TSEN15: variants seen among roughly 807,000 people sequenced by gnomAD.
The protein encoded by TSEN15 is tRNA-splicing endonuclease subunit Sen15.
Under a neutral mutation model 20.5 loss-of-function variants are expected in TSEN15, and 10 were observed. The ratio of observed to expected loss-of-function variants is 0.49; its 90% CI spans 0.30 to 0.83. The LOEUF (loss-of-function observed/expected upper bound fraction) is 0.83. TSEN15 is among the 40% of genes least tolerant of loss of function. The pLI is 0.06. For missense variants in TSEN15, 180 were observed against 218.6 expected (o/e 0.82, Z 1.11); for synonymous variants, 72 against 80.1 (o/e 0.90, Z 0.54).
intron 3 of TSEN15, among the ~76,000 whole-genome samples, chr1:184,055,803 A>G (rs1432595255): frequency 1.3e-5 from 2 of 152,090 alleles, no homozygotes; most frequent in Admixed American, 6.5e-5. Context: ...GTTATTTTTA[A>G]TAATGTAATA....
At chr1:184,084,361 G>A (rs143869689) in intron 3 of TSEN15, among the ~76,000 whole-genome samples, 243 of 151,800 alleles carry the variant, frequency 1.6e-3, no homozygotes, top group African/African-American at 5.6e-3. Context: ...AGTCCATTTT[G>A]TTGTTTGATA....
downstream of TSEN15, among the ~76,000 whole-genome samples, chr1:184,077,471 A>G (rs1300738648): frequency 6.6e-6 from 1 of 152,166 alleles, no homozygotes; most frequent in Non-Finnish European, 1.5e-5. Context: ...ATGCTTGTGA[A>G]CACATTATCC....
chr1:184,079,196 G>C (rs1193939424), downstream of TSEN15, among the ~76,000 whole-genome samples: 1 of 152,142 alleles, frequency 6.6e-6, no homozygotes. Flanking sequence ...CAAATGTCTA[G>C]TAGGTGGGTG....
intron 3 of TSEN15, among the ~76,000 whole-genome samples, chr1:184,083,135 T>C (rs1423570555): frequency 6.6e-6 from 1 of 152,158 alleles, no homozygotes; most frequent in Non-Finnish European, 1.5e-5. Flanking sequence ...TCTTATTTGA[T>C]TGCATTCAAA....
In TSEN15 at chr1:184,084,011, C is replaced by A. The variant is rs561995292; in HGVS notation, c.354-11679C>A. ...ATTGTGCTCCTTTGAATTTTTGAGG[C>A]CCAAGAGACTTGCAAGGCAGAGTTT... On this transcript the variant is annotated intron_variant, in intron 3 of 3. Transcript: ENST00000643231. Among the ~76,000 whole-genome samples the A allele has an allele frequency of 3.9e-5, 6 of 152,214 alleles. No homozygotes were observed. The South Asian group carries it at 1.2e-3, about 32-fold the overall frequency.
intron 2 of TSEN15, 93 bp downstream of exon 2, chr1:184,054,528 A>T: frequency 8.4e-7 from 1 of 1,191,158 alleles, no homozygotes; most frequent in East Asian, 2.4e-5. Flanking sequence ...ATAATAAGCA[A>T]TCTTTTATGC....
At chr1:184,086,859 A>G (rs1651270505) in intron 3 of TSEN15, among the ~76,000 whole-genome samples, 2 of 152,234 alleles carry the variant, frequency 1.3e-5, no homozygotes. Context: ...GTTCATTAGA[A>G]GCAAGTTGCC....
intron 3 of TSEN15, among the ~76,000 whole-genome samples, chr1:184,064,532 A>G (rs1650578034): frequency 6.6e-6 from 1 of 152,096 alleles, no homozygotes; most frequent in African/African-American, 2.4e-5. Context: ...AGACAGACAT[A>G]GAAAAAATAT....
intron 3 of TSEN15, among the ~76,000 whole-genome samples, chr1:184,089,742 G>T (rs1409759529): frequency 6.6e-6 from 1 of 151,874 alleles, no homozygotes; most frequent in Non-Finnish European, 1.5e-5. Flanking sequence ...AAAATCAAAT[G>T]CAAGAAGGAA....
chr1:184,094,810 A>C (rs1015147231), intron 3 of TSEN15: 1 of 385,110 alleles, frequency 2.6e-6, no homozygotes, highest in Non-Finnish European at 4.6e-6. Flanking sequence ...GAGACTACCA[A>C]TAAAATGTCT....
chr1:184,071,374 C>T (rs1650876326), intron 3 of TSEN15, among the ~76,000 whole-genome samples: 1 of 151,762 alleles, frequency 6.6e-6, no homozygotes, highest in Non-Finnish European at 1.5e-5. Flanking sequence ...ATGTAAAAGA[C>T]CCTAATATAT....
At chr1:184,067,899 G>A (rs1650728487) in intron 3 of TSEN15, among the ~76,000 whole-genome samples, 1 of 137,364 alleles carries the variant, frequency 7.3e-6, no homozygotes, top group African/African-American at 2.8e-5. Context: ...CTCCAGTCTG[G>A]GTGACAGAGC....
intron 4 of TSEN15, 169 bp downstream of exon 4, chr1:184,072,467 C>G: frequency 1.5e-6 from 1 of 649,130 alleles, no homozygotes; most frequent in Non-Finnish European, 2.4e-6. Context: ...ATATTTTGTT[C>G]AAAGTAGCAT....
intron 3 of TSEN15, among the ~76,000 whole-genome samples, chr1:184,081,888 G>C (rs560781092): frequency 6.6e-6 from 1 of 152,074 alleles, no homozygotes; most frequent in African/African-American, 2.4e-5. Flanking sequence ...TATTCTTCCC[G>C]TTCTTCTGAT....
rs1171727196 is a variant in TSEN15, at chr1:184,051,785, C to T, written c.30C>T (p.Thr10=). MEERGDSEP[T]PGCSGLGPGG... ...AGGAGCGCGGCGATTCCGAGCCGACCCCCGGCTGCAGCGGCCTGGGTCCGG... is the reference window on the plus strand; with the variant it reads ...AGGAGCGCGGCGATTCCGAGCCGACTCCCGGCTGCAGCGGCCTGGGTCCGG... The change falls in exon 1 of 5, where the codon ACC becomes ACT. Residue 10 remains threonine, a synonymous_variant. Coordinates refer to ENST00000645668, the MANE Select transcript of TSEN15 (RefSeq NM_052965.4). 2.6e-6 allele frequency: 4 copies of T among 1,519,210 alleles called. No homozygotes were observed. Among genetic ancestry groups the T allele is most frequent in the Admixed American group, 4.1e-5 (2 of 49,262 alleles). 94.1% of individuals were successfully genotyped at this position (1,519,210 alleles called of 1,614,324 possible). A position where few individuals can be genotyped will look rare whatever the true frequency, so the allele number is the denominator to read the frequency against.
At chr1:184,085,522 G>A (rs1651247655) in intron 3 of TSEN15, among the ~76,000 whole-genome samples, 1 of 152,192 alleles carries the variant, frequency 6.6e-6, no homozygotes, top group African/African-American at 2.4e-5. Context: ...ATAAAGCAGG[G>A]TATGGGGATA....
chr1:184,097,030 G>A (rs906346896), exon 4 of TSEN15: 11 of 152,192 alleles, frequency 7.2e-5, no homozygotes, highest in African/African-American at 2.7e-4. Context: ...AGACAGATCA[G>A]GGAGGAGGGC....
At chr1:184,079,487 T>C (rs547536987) in intron 3 of TSEN15, among the ~76,000 whole-genome samples, 2 of 152,236 alleles carry the variant, frequency 1.3e-5, no homozygotes, top group South Asian at 4.1e-4. Context: ...TTTTAAGGGC[T>C]CTTTTCCTGG....
intron 3 of TSEN15, chr1:184,095,401 TGTG>T (rs1157401110): frequency 5.3e-5 from 20 of 379,692 alleles, no homozygotes; most frequent in Admixed American, 9.0e-5. Context: ...TTCCCACACT[TGTG>T]GTGAGGACTC....
Sources: allele counts gnomAD v4.1 joint callset (sites outside exome capture counted in the v4.1 genomes callset), GRCh38; gene constraint gnomAD v4.1.1; transcripts MANE v1.5; gene names NCBI Gene and HGNC (gene_info 2026-07-23, HGNC 2026-07-21).